Variants in ISY1 observed in about 807,000 individuals in gnomAD.
ISY1 encodes the protein ISY1 spliceosome associated protein, also known as pre-mRNA-splicing factor ISY1 homolog.
ISY1 carries 12 observed loss-of-function variants against 54.4 expected under a neutral mutation model. The ratio of observed to expected loss-of-function variants is 0.22; its 90% CI spans 0.14 to 0.36. The LOEUF (loss-of-function observed/expected upper bound fraction) is 0.36, where lower values mean the gene tolerates loss of function less well. Among genes scored for constraint, ISY1 ranks in the 10% least tolerant of loss-of-function variants. The probability of loss-of-function intolerance (pLI) is 1.00; values close to 1 mark genes in which losing one functional copy is unlikely to be tolerated. For missense variants in ISY1, 282 were observed against 342.2 expected (o/e 0.82, Z 1.39); for synonymous variants, 96 against 117.9 (o/e 0.81, Z 1.20).
intron 5 of ISY1, among the ~76,000 whole-genome samples, chr3:129,154,766 G>A (rs928669084): frequency 2.7e-5 from 4 of 147,684 alleles, no homozygotes; most frequent in South Asian, 2.1e-4. Context: ...TCAGCTCACT[G>A]CAAGCTCCAC....
Position 129,130,080 on chromosome 3 carries a change from C to T in ISY1, c.*1G>A. On this transcript the variant is annotated 3_prime_UTR_variant, in exon 11 of 11. Transcript: ENST00000393295. ...ACTCCAAGGAGAGCCCCAGCTGGGT[C>T]CTAATACCCCAGGAGCCTTCTGGCT... is the stretch of plus-strand genomic sequence containing the variant. 1.3e-6 allele frequency: 2 copies of T among 1,592,558 alleles called. No homozygotes were observed. The highest frequency in any genetic ancestry group is 3.6e-5 in the Admixed American group (2 of 55,058).
chr3:129,151,277 A>T (rs758435030), intron 5 of ISY1, among the ~76,000 whole-genome samples: 1 of 151,586 alleles, frequency 6.6e-6, no homozygotes, highest in African/African-American at 2.4e-5. Flanking sequence ...TGATAAATTC[A>T]CTTATCCATT....
chr3:129,130,087 C>T lies in ISY1; in HGVS notation c.852G>A (p.Gly284=). 1 of 1,601,462 alleles carries T rather than the reference C, an allele frequency of 6.2e-7. No individual in the cohort carries two copies. Among genetic ancestry groups the T allele is most frequent in the Non-Finnish European group, 8.5e-7 (1 of 1,174,864 alleles). ...GGAGAGCCCCAGCTGGGTCCTAATA[C>T]CCCAGGAGCCTTCTGGCTTCTTCAC... ...AQSEEARRLL[G]Y Residue 284 remains glycine, a synonymous_variant, in exon 11 of 11, where the codon GGG becomes GGA. Coordinates refer to ENST00000393295, the MANE Select transcript of ISY1 (RefSeq NM_020701.4).
At chr3:129,146,266 A>C (rs956556116) in intron 5 of ISY1, among the ~76,000 whole-genome samples, 3 of 152,190 alleles carry the variant, frequency 2.0e-5, no homozygotes, top group South Asian at 2.1e-4. Flanking sequence ...GGATGGCAGC[A>C]TTCTATGATG....
chr3:129,135,641 C>T (rs1483373715), intron 7 of ISY1, among the ~76,000 whole-genome samples: 1 of 151,712 alleles, frequency 6.6e-6, no homozygotes, highest in Non-Finnish European at 1.5e-5. Flanking sequence ...GTGGGGGCCC[C>T]TGTAATCCCA....
At position 129,130,286 on chromosome 3, in the gene ISY1, A is replaced by G. The variant is rs570295378; in HGVS notation, c.751-98T>C. ...AAGTCCCCGTGGGAGAAGTCCATCA[A>G]GGAGTCTGATTTAAATACGCAGAAT... On this transcript the variant is annotated intron_variant, in intron 10 of 10. Coordinates refer to ENST00000393295, the MANE Select transcript of ISY1 (RefSeq NM_020701.4). 24 of 1,459,998 alleles carry G rather than the reference A, an allele frequency of 1.6e-5. No individual in the cohort carries two copies. In the African/African-American group the frequency reaches 2.4e-4, roughly 15 times the overall value. 90.4% of individuals were successfully genotyped at this position (1,459,998 alleles called of 1,614,324 possible).
chr3:129,153,009 CT>C (rs61374406), intron 5 of ISY1, among the ~76,000 whole-genome samples: 90,470 of 111,668 alleles, frequency 0.81, 37,395 homozygotes, highest in East Asian at 0.96. Flanking sequence ...TTCTTTCCAT[CT>C]TTTTTTTTTT....
In ISY1 at chr3:129,129,478, A is replaced by T. The variant is rs1016061621; in HGVS notation, c.*603T>A. 9 of 150,394 alleles carry T rather than the reference A, an allele frequency of 6.0e-5. No homozygotes were observed. The highest frequency in any genetic ancestry group is 2.2e-4 in the African/African-American group (9 of 40,504). 9.3% of individuals were successfully genotyped at this position (150,394 alleles called of 1,614,324 possible). A position where few individuals can be genotyped will look rare whatever the true frequency, so the allele number is the denominator to read the frequency against. On this transcript the variant is annotated 3_prime_UTR_variant, in exon 11 of 11. Transcript: ENST00000393295. ...AACCTCCACCTCTCGGGTTCAAGTG[A>T]TTCTCCTGCCTCAGCCTCCCAAGCA... is the stretch of plus-strand genomic sequence containing the variant.
At chr3:129,148,156 T>A (rs1936831979) in intron 5 of ISY1, among the ~76,000 whole-genome samples, 1 of 152,130 alleles carries the variant, frequency 6.6e-6, no homozygotes, top group South Asian at 2.1e-4. Context: ...TACTGAGTAT[T>A]ATTTTATTTT....
At chr3:129,131,563 T>C (rs758350256) in intron 9 of ISY1, among the ~76,000 whole-genome samples, 12 of 152,112 alleles carry the variant, frequency 7.9e-5, no homozygotes, top group Non-Finnish European at 1.5e-4. Context: ...GTGTTCACCC[T>C]GTGAAAATCC....
At chr3:129,151,325 A>G (rs1032000624) in intron 5 of ISY1, among the ~76,000 whole-genome samples, 2 of 151,626 alleles carry the variant, frequency 1.3e-5, no homozygotes, top group African/African-American at 4.8e-5. Context: ...GATTTTCTAC[A>G]TAGAAAATTA....
chr3:129,145,733 C>G (rs1936748796), intron 6 of ISY1, 28 bp downstream of exon 6: 1 of 1,607,652 alleles, frequency 6.2e-7, no homozygotes, highest in Non-Finnish European at 8.5e-7. Flanking sequence ...CTAGACAAGA[C>G]CCGCCACTGG....
At chr3:129,155,961 T>G (rs1937123525) in intron 5 of ISY1, among the ~76,000 whole-genome samples, 1 of 152,080 alleles carries the variant, frequency 6.6e-6, no homozygotes, top group Admixed American at 6.6e-5. Context: ...CCTTAGGTGA[T>G]CCTCCCTCCT....
chr3:129,154,495 TTG>T (rs1245027833), intron 5 of ISY1, among the ~76,000 whole-genome samples: 1 of 151,096 alleles, frequency 6.6e-6, no homozygotes, highest in Non-Finnish European at 1.5e-5. Flanking sequence ...CTTTGGCAGT[TTG>T]TGTCTTGTAA....
At chr3:129,160,031 T>TC (rs1937258470) in intron 1 of ISY1, among the ~76,000 whole-genome samples, 1 of 152,100 alleles carries the variant, frequency 6.6e-6, no homozygotes, top group Non-Finnish European at 1.5e-5. Flanking sequence ...TACTACTTTT[T>TC]TTTTTTTTCT....
At chr3:129,138,756 A>C (rs1486407702) in intron 7 of ISY1, among the ~76,000 whole-genome samples, 1 of 149,632 alleles carries the variant, frequency 6.7e-6, no homozygotes, top group Non-Finnish European at 1.5e-5. Flanking sequence ...CAGAGGTTGC[A>C]GTGAGCCGAG....
In ISY1 at chr3:129,130,746, A is replaced by G. The variant is rs1036256155; in HGVS notation, c.664-110T>C. 4.2e-6 allele frequency: 5 copies of G among 1,185,542 alleles called. No homozygotes were observed. In the African/African-American group the frequency reaches 6.2e-5, roughly 15 times the overall value. 73.4% of individuals were successfully genotyped at this position (1,185,542 alleles called of 1,614,324 possible). On this transcript the variant is annotated intron_variant, in intron 9 of 10. Transcript: ENST00000393295. ...CTATTTAAAAGAAAAAAAAACTAAG[A>G]AAGTTCTATACTTATAGAAAGACAC...
At chr3:129,153,343 T>G (rs28525599) in intron 5 of ISY1, among the ~76,000 whole-genome samples, 96 of 152,260 alleles carry the variant, frequency 6.3e-4, no homozygotes, top group African/African-American at 2.1e-3. Context: ...ACTACTCAGG[T>G]TTACCATTTC....
chr3:129,146,965 G>A (rs554113083), intron 5 of ISY1, among the ~76,000 whole-genome samples: 42 of 152,100 alleles, frequency 2.8e-4, no homozygotes, highest in African/African-American at 9.6e-4. Context: ...AGACTTAGGT[G>A]GGAGAATCGC....
Sources: allele counts gnomAD v4.1 joint callset (sites outside exome capture counted in the v4.1 genomes callset), GRCh38; gene constraint gnomAD v4.1.1; transcripts MANE v1.5; gene names NCBI Gene and HGNC (gene_info 2026-07-23, HGNC 2026-07-21).